Variants in PSD3 observed in about 807,000 individuals in gnomAD.
The protein encoded by PSD3 is PH and SEC7 domain-containing protein 3.
A neutral mutation model predicts 105.5 loss-of-function variants in PSD3; 49 were observed. The ratio of observed to expected loss-of-function variants is 0.46; its 90% CI spans 0.37 to 0.59. PSD3 has a LOEUF of 0.59. Among genes scored for constraint, PSD3 ranks in the 20% least tolerant of loss-of-function variants. The probability of loss-of-function intolerance (pLI) is 0.00; values close to 1 mark genes in which losing one functional copy is unlikely to be tolerated. For missense variants in PSD3, 1,561 were observed against 1,263.8 expected, an observed-to-expected ratio of 1.24 and a Z score of -3.57; for synonymous variants, 557 against 457.8, an observed-to-expected ratio of 1.22 and a Z score of -2.77.
At chr8:19,054,760 G>A (rs940699571) in intron 1 of PSD3, among the ~76,000 whole-genome samples, 5 of 152,080 alleles carry the variant, frequency 3.3e-5, no homozygotes, top group Admixed American at 6.6e-5. Flanking sequence ...CAAATTTATC[G>A]CTTGATAACA....
At chr8:18,707,900 G>A (rs948942956) in intron 9 of PSD3, among the ~76,000 whole-genome samples, 5 of 152,192 alleles carry the variant, frequency 3.3e-5, no homozygotes, top group African/African-American at 1.2e-4. Flanking sequence ...TGCAGTATGT[G>A]GCCAAGTAGG....
intron 1 of PSD3, among the ~76,000 whole-genome samples, chr8:18,947,355 A>C (rs1822932520): frequency 6.6e-6 from 1 of 152,238 alleles, no homozygotes; most frequent in African/African-American, 2.4e-5. Context: ...CCCCGCTGCC[A>C]GCTTGTTTTT....
intron 14 of PSD3, among the ~76,000 whole-genome samples, chr8:18,566,934 G>C (rs1344549409): frequency 1.3e-5 from 2 of 152,000 alleles, no homozygotes; most frequent in Admixed American, 6.6e-5. Flanking sequence ...GCCTGTTCTG[G>C]GGAAAACACG....
intron 9 of PSD3, among the ~76,000 whole-genome samples, chr8:18,691,632 A>C (rs13259970): frequency 0.86 from 130,907 of 152,226 alleles, 57,196 homozygotes; most frequent in Non-Finnish European, 0.93. Flanking sequence ...GTAAACCAAT[A>C]ATTGTATATA....
At chr8:18,901,770 C>T (rs1020080362) in intron 2 of PSD3, among the ~76,000 whole-genome samples, 2 of 152,154 alleles carry the variant, frequency 1.3e-5, no homozygotes, top group Non-Finnish European at 2.9e-5. Context: ...TTATTTCTCC[C>T]TCATCTCTAA....
At chr8:18,712,963 T>C (rs969820572) in intron 9 of PSD3, among the ~76,000 whole-genome samples, 4 of 152,210 alleles carry the variant, frequency 2.6e-5, no homozygotes, top group Non-Finnish European at 5.9e-5. Flanking sequence ...ATCCCTGGAA[T>C]GCAAGGCGGG....
chr8:18,719,440 C>T (rs1013671957), intron 9 of PSD3, among the ~76,000 whole-genome samples: 1 of 152,106 alleles, frequency 6.6e-6, no homozygotes, highest in Non-Finnish European at 1.5e-5. Context: ...AAGCAAAAGA[C>T]AGGTCAAGGA....
intron 2 of PSD3, among the ~76,000 whole-genome samples, chr8:18,933,356 T>A (rs922746416): frequency 4.6e-5 from 7 of 151,248 alleles, no homozygotes; most frequent in African/African-American, 1.5e-4. Context: ...TATCTCTATA[T>A]AGTTAAGGAA....
Position 18,700,184 on chromosome 8 carries a change from A to T in PSD3, c.2173-44499T>A, listed in dbSNP as rs187101470. On this transcript the variant is annotated intron_variant, in intron 9 of 15. Coordinates refer to ENST00000327040, the MANE Select transcript of PSD3 (RefSeq NM_015310.4). Reference sequence around the variant, plus strand: ...GTATTAACATTAAAGATAATATACAATATAAAAACCAAACCCAGACAATAA... The same window carrying T: ...GTATTAACATTAAAGATAATATACATTATAAAAACCAAACCCAGACAATAA... Among the ~76,000 whole-genome samples the T allele has an allele frequency of 3.7e-4, 56 of 152,308 alleles. 1 individual carries two copies. The East Asian group carries it at 9.9e-3, about 27-fold the overall frequency.
chr8:18,746,129 C>G (rs556764522), intron 9 of PSD3, among the ~76,000 whole-genome samples: 68 of 152,186 alleles, frequency 4.5e-4, no homozygotes, highest in African/African-American at 1.6e-3. Flanking sequence ...CCACCCTTCA[C>G]GTATTTTACA....
chr8:19,002,341 T>C (rs370997813), intron 1 of PSD3, among the ~76,000 whole-genome samples: 3 of 152,038 alleles, frequency 2.0e-5, no homozygotes, highest in Non-Finnish European at 4.4e-5. Flanking sequence ...CTGGTCTTAC[T>C]GTAAGAGCTT....
At chr8:18,718,917 A>G (rs1802770743) in intron 9 of PSD3, among the ~76,000 whole-genome samples, 1 of 152,200 alleles carries the variant, frequency 6.6e-6, no homozygotes, top group African/African-American at 2.4e-5. Flanking sequence ...ACAACATTCA[A>G]AAAAAGACAT....
At chr8:18,695,665 A>T (rs1413090180) in intron 9 of PSD3, among the ~76,000 whole-genome samples, 2 of 152,220 alleles carry the variant, frequency 1.3e-5, no homozygotes, top group Non-Finnish European at 2.9e-5. Context: ...TGAGGACACC[A>T]ATCTCAACGG....
chr8:18,627,175 GAA>G (rs1806542649), intron 11 of PSD3, among the ~76,000 whole-genome samples: 1 of 152,112 alleles, frequency 6.6e-6, no homozygotes, highest in African/African-American at 2.4e-5. Context: ...ACTGCTTAGA[GAA>G]AGAGTCTCGG....
At position 18,846,354 on chromosome 8, in the gene PSD3, C is replaced by T. The variant is rs373808061; in HGVS notation, c.1634+21320G>A. 8.1e-4 allele frequency among the ~76,000 whole-genome samples: 124 copies of T among 152,254 alleles called. 2 individuals carry two copies. In the South Asian group the frequency reaches 0.024, roughly 30 times the overall value. ...ACATTTAACAGAGGCTGTGGGGCTACGAATGTCCTTGAGGCTTTTGAAGAA... is the reference window on the plus strand; with the variant it reads ...ACATTTAACAGAGGCTGTGGGGCTATGAATGTCCTTGAGGCTTTTGAAGAA... On this transcript the variant is annotated intron_variant, in intron 4 of 15. Transcript: ENST00000327040.
chr8:18,979,590 A>G (rs1218492517), intron 1 of PSD3: 1 of 152,216 alleles, frequency 6.6e-6, no homozygotes, highest in Non-Finnish European at 1.5e-5. Flanking sequence ...ATATTAAATA[A>G]ATCATGCTCT....
At position 18,913,728 on chromosome 8, in the gene PSD3, T is replaced by G. The variant is rs73666751; in HGVS notation, c.130+22306A>C. Among the ~76,000 whole-genome samples, 1,054 of 151,672 alleles carry G rather than the reference T, an allele frequency of 6.9e-3. 10 individuals are homozygous for G. Among genetic ancestry groups the G allele is most frequent in the African/African-American group, 0.023 (969 of 41,292 alleles). On this transcript the variant is annotated intron_variant, in intron 2 of 15. Transcript: ENST00000327040. ...CAGGGTCTAAGCACCAGGCTGGCCT[T>G]CATGGACTCAGGATCCAGGACTGCC...
In PSD3 at chr8:18,850,434, G is replaced by A. The variant is rs796819435; in HGVS notation, c.1634+17240C>T. On this transcript the variant is annotated intron_variant, in intron 4 of 15. Transcript: ENST00000327040. ...GTGGATGATTACAAAACAAAGCGAT[G>A]TCAAGATCAGCAGATTATAGGCAAG... Among the ~76,000 whole-genome samples the A allele has an allele frequency of 3.3e-5, 5 of 152,296 alleles. 1 individual carries two copies. Among genetic ancestry groups the A allele is most frequent in the African/African-American group, 1.2e-4 (5 of 41,568 alleles).
intron 1 of PSD3, among the ~76,000 whole-genome samples, chr8:18,987,688 C>A (rs1825578315): frequency 6.6e-6 from 1 of 152,044 alleles, no homozygotes. Context: ...GGTGTGGTGG[C>A]ACGTGCTATA....
Sources: allele counts gnomAD v4.1 joint callset (sites outside exome capture counted in the v4.1 genomes callset), GRCh38; gene constraint gnomAD v4.1.1; transcripts MANE v1.5; gene names NCBI Gene and HGNC (gene_info 2026-07-23, HGNC 2026-07-21).